ITPR1: variants seen among roughly 807,000 people sequenced by gnomAD.
ITPR1 encodes the protein inositol 1,4,5-trisphosphate-gated calcium channel ITPR1.
In ITPR1, 96 loss-of-function variants were observed where a neutral mutation model predicts 318.4. That is an observed-to-expected ratio of 0.30 (90% CI 0.26 to 0.36). The LOEUF is 0.36. Ranked by LOEUF, ITPR1 falls within the 10% of genes least tolerant of loss-of-function variation. The pLI, the probability that ITPR1 is intolerant of heterozygous loss-of-function variation, is 1.00. For synonymous variants in ITPR1, 1,312 were observed against 1,289.9 expected (o/e 1.02, Z -0.37); for missense variants, 2,440 against 3,460.2 (o/e 0.71, Z 7.40).
intron 55 of ITPR1, among the ~76,000 whole-genome samples, chr3:4,810,964 T>G (rs2048903325): frequency 6.6e-6 from 1 of 152,238 alleles, no homozygotes; most frequent in South Asian, 2.1e-4. Context: ...TTCCTCTCCC[T>G]TTGTCTCTGA....
chr3:4,779,871 AC>A lies in ITPR1; in HGVS notation c.6387+227del, dbSNP rs1330827102. ...TACTTTCAATGGCAAAACCACTATT[AC>A]TTTTGCCGTTGAAAGTAATGGCAAA... On this transcript the variant is annotated intron_variant, in intron 49 of 61. Transcript: ENST00000649015. This position sits in a 1 kb window ranked among gnomAD's most constrained non-coding sequence, Gnocchi z 4.0. Among the ~76,000 whole-genome samples, 2 of 148,918 alleles carry A rather than the reference AC, an allele frequency of 1.3e-5. No homozygotes were observed. The highest frequency in any genetic ancestry group is 4.9e-5 in the African/African-American group (2 of 40,578).
intron 61 of ITPR1, among the ~76,000 whole-genome samples, chr3:4,840,979 A>G (rs2051302336): frequency 6.6e-6 from 1 of 152,254 alleles, no homozygotes; most frequent in Admixed American, 6.5e-5. Context: ...AGCATGTTAC[A>G]GCATTTGGCA....
intron 2 of ITPR1, among the ~76,000 whole-genome samples, chr3:4,506,204 A>G (rs551515778): frequency 3.3e-5 from 5 of 152,206 alleles, no homozygotes; most frequent in African/African-American, 1.2e-4. Flanking sequence ...CCAACTTTTT[A>G]CCCTGGCTTG....
intron 61 of ITPR1, among the ~76,000 whole-genome samples, chr3:4,839,555 T>G (rs2051185636): frequency 6.6e-6 from 1 of 152,188 alleles, no homozygotes; most frequent in African/African-American, 2.4e-5. Context: ...TTTAAGTTCT[T>G]ACTCTTTTTT....
intron 10 of ITPR1, 58 bp downstream of exon 10, chr3:4,645,786 G>GCTCTCTCT: frequency 1.0e-6 from 1 of 965,100 alleles, no homozygotes. Flanking sequence ...CTGTATATAG[G>GCTCTCTCT]CTCTCTCTCT....
At position 4,725,599 on chromosome 3, in the gene ITPR1, A is replaced by G. The variant is rs377568529; in HGVS notation, c.5172+18A>G. ...CCACTGAGGTGTGTTGCCCGCCTAT[A>G]TTTGTAGCGCCAGCGCCAGCAAATA... is the stretch of plus-strand genomic sequence containing the variant. On this transcript the variant is annotated intron_variant, in intron 41 of 61. Transcript: ENST00000649015. 1.3e-6 allele frequency: 2 copies of G among 1,596,548 alleles called. No homozygotes were observed. Among genetic ancestry groups the G allele is most frequent in the African/African-American group, 2.7e-5 (2 of 74,802 alleles).
chr3:4,680,721 T>C (rs368690234), intron 25 of ITPR1, 30 bp downstream of exon 25: 1 of 1,585,032 alleles, frequency 6.3e-7, no homozygotes, highest in Admixed American at 1.8e-5. Context: ...ATTTCAGCCA[T>C]AGAATGGGAC....
At chr3:4,772,190 G>GGT (rs2046230774) in intron 46 of ITPR1, among the ~76,000 whole-genome samples, 1 of 152,224 alleles carries the variant, frequency 6.6e-6, no homozygotes, top group South Asian at 2.1e-4. Context: ...CAGAACAGGG[G>GGT]GTGGGTCACT....
intron 53 of ITPR1, among the ~76,000 whole-genome samples, 195 bp downstream of exon 53, chr3:4,795,382 C>G (rs2047833485): frequency 6.6e-6 from 1 of 152,108 alleles, no homozygotes; most frequent in Non-Finnish European, 1.5e-5. Flanking sequence ...CTTTTTTATC[C>G]ATTTTTTTTA....
At chr3:4,684,217 T>C (rs2094350816) in intron 28 of ITPR1, 64 bp from the exon 29 acceptor site, 15 of 1,050,832 alleles carry the variant, frequency 1.4e-5, no homozygotes, top group Non-Finnish European at 2.1e-5. Context: ...CGATGCTAAC[T>C]GTAAAAAACT....
intron 54 of ITPR1, 75 bp downstream of exon 54, chr3:4,800,675 A>G: frequency 2.8e-6 from 4 of 1,447,980 alleles, no homozygotes; most frequent in Non-Finnish European, 3.8e-6. Context: ...GGTTTCTAGA[A>G]TCCTGGCCTG....
intron 17 of ITPR1, among the ~76,000 whole-genome samples, chr3:4,666,851 G>C (rs899915740): frequency 6.6e-6 from 1 of 152,186 alleles, no homozygotes; most frequent in East Asian, 1.9e-4. Context: ...TGAGTTCCAT[G>C]CATATGATGG....
At chr3:4,563,239 G>A (rs943174121) in intron 4 of ITPR1, among the ~76,000 whole-genome samples, 1 of 152,290 alleles carries the variant, frequency 6.6e-6, no homozygotes, top group Middle Eastern at 3.4e-3. Context: ...TGTTGGCTGG[G>A]TGTCACACCT....
intron 52 of ITPR1, among the ~76,000 whole-genome samples, chr3:4,789,051 C>G (rs948118279): frequency 9.2e-5 from 14 of 152,192 alleles, no homozygotes; most frequent in African/African-American, 3.4e-4. Context: ...GCCTGCATCC[C>G]TAGATCAGGC....
At chr3:4,669,326 C>T (rs113787983) in intron 18 of ITPR1, among the ~76,000 whole-genome samples, 2 of 152,236 alleles carry the variant, frequency 1.3e-5, no homozygotes, top group Non-Finnish European at 2.9e-5. Context: ...AACATCAGGG[C>T]GTTGCCTCTC....
chr3:4,699,838 A>G lies in ITPR1; in HGVS notation c.4433A>G (p.Lys1478Arg). The change falls in exon 35 of 62, where the codon AAA (lysine) becomes AGA (arginine). Residue 1478 changes from lysine (K) to arginine (R), a missense_variant. Physicochemically the swap from Lys to Arg is conservative, Grantham distance 26 (BLOSUM62 2). Coordinates refer to ENST00000649015, the MANE Select transcript of ITPR1 (RefSeq NM_001378452.1). Reference protein sequence around the residue: ...CRACNNTSDRKHADSILEKYV... With the variant: ...CRACNNTSDRRHADSILEKYV... ...GCCTGTAACAACACTAGTGACAGGA[A>G]ACATGCAGACTCGATTTTGGAGAAG... 6.2e-7 allele frequency: 1 copy of G among 1,613,928 alleles called. No homozygotes were observed. The highest frequency in any genetic ancestry group is 8.5e-7 in the Non-Finnish European group (1 of 1,179,832).
intron 4 of ITPR1, among the ~76,000 whole-genome samples, chr3:4,553,654 G>A (rs1403048782): frequency 6.8e-6 from 1 of 148,014 alleles, no homozygotes; most frequent in Non-Finnish European, 1.5e-5. Flanking sequence ...AGGCTGGAGT[G>A]CAATGGCATG....
At chr3:4,645,838 G>A in intron 10 of ITPR1, 110 bp downstream of exon 10, 26 of 978,338 alleles carry the variant, frequency 2.7e-5, no homozygotes, top group Non-Finnish European at 3.7e-5. Context: ...ACCTATATGT[G>A]TCTATACACC....
At chr3:4,830,687 C>T (rs1448554457) in intron 60 of ITPR1, among the ~76,000 whole-genome samples, 7 of 152,290 alleles carry the variant, frequency 4.6e-5, no homozygotes, top group Non-Finnish European at 8.8e-5. Flanking sequence ...TCCAGTTTGT[C>T]TTCCTGCCTA....
Sources: gnomAD v4.1 joint callset for allele counts (sites outside exome capture counted in the v4.1 genomes callset) on GRCh38, gnomAD v4.1.1 for gene constraint, Gnocchi (gnomAD v3.1) non-coding constraint, MANE v1.5 for transcripts, NCBI Gene and HGNC (gene_info 2026-07-23, HGNC 2026-07-21) for gene names.